Variants in KLHDC4 observed in about 807,000 individuals in gnomAD.
KLHDC4 encodes the protein kelch domain-containing protein 4.
In KLHDC4, 90 loss-of-function variants were observed where a neutral mutation model predicts 62.4. That is an observed-to-expected ratio of 1.44 (90% CI 1.22 to 1.72). The LOEUF (loss-of-function observed/expected upper bound fraction) is 1.72. Among genes scored for constraint, KLHDC4 ranks in the 40% most tolerant of loss-of-function variants. The pLI, the probability that KLHDC4 is intolerant of heterozygous loss-of-function variation, is 0.00. For synonymous variants in KLHDC4, 386 were observed against 284.4 expected, an observed-to-expected ratio of 1.36 and a Z score of -3.59; for missense variants, 1,025 against 699.7, an observed-to-expected ratio of 1.47 and a Z score of -5.25.
At chr16:87,746,931 C>G in intron 5 of KLHDC4, among the ~76,000 whole-genome samples, 1 of 152,190 alleles carries the variant, frequency 6.6e-6, no homozygotes, top group Non-Finnish European at 1.5e-5. Flanking sequence ...GCAGCTGCCA[C>G]GGATGTCCCG....
chr16:87,751,189 G>T (rs2043870696), intron 4 of KLHDC4, among the ~76,000 whole-genome samples: 1 of 152,198 alleles, frequency 6.6e-6, no homozygotes, highest in Non-Finnish European at 1.5e-5. Flanking sequence ...ATAGAAATAT[G>T]AACTGGCTGG....
At chr16:87,760,172 T>C (rs925207441) in intron 2 of KLHDC4, among the ~76,000 whole-genome samples, 1 of 150,872 alleles carries the variant, frequency 6.6e-6, no homozygotes, top group Non-Finnish European at 1.5e-5. Context: ...CCTTAAATTA[T>C]ATCCTGACAT....
At chr16:87,714,336 T>TTGC in intron 8 of KLHDC4, 162 bp downstream of exon 8, 2 of 140,732 alleles carry the variant, frequency 1.4e-5, no homozygotes, top group Non-Finnish European at 3.1e-5. Context: ...ATGGAGCCTG[T>TTGC]CCCACCCGGC....
Position 87,709,660 on chromosome 16 carries a change from T to G in KLHDC4, c.1052A>C (p.Lys351Thr). The G allele has an allele frequency of 8.1e-6, 13 of 1,597,590 alleles. 1 individual carries two copies. The highest frequency in any genetic ancestry group is 4.5e-5 in the South Asian group (4 of 89,064). Reference protein sequence around the residue: ...RWFEGQLKGPKSEKKKRRRGR... With the variant: ...RWFEGQLKGPTSEKKKRRRGR... ...CCGCCTGCGTTTCTTCTTTTCAGACTTGGGTCCCTATTAATAGACCGAGGA... is the reference window on the plus strand; with the variant it reads ...CCGCCTGCGTTTCTTCTTTTCAGACGTGGGTCCCTATTAATAGACCGAGGA... The change falls in exon 10 of 12, where the codon AAG becomes ACG. Residue 351 changes from lysine to threonine, a missense_variant. Physicochemically the swap from Lys to Thr is moderately conservative, Grantham distance 78 (BLOSUM62 -1). Transcript: ENST00000270583.
exon 1 of KLHDC4, chr16:87,700,693 AGGGAGGAGGTTGGAGGGCG>A (rs2034101295): frequency 1.1e-5 from 2 of 186,492 alleles, no homozygotes; most frequent in Admixed American, 9.2e-5. Context: ...TGGAGGGCGG[AGGGAGGAGGTTGGAGGGCG>A]GAGGGAGGAG....
At chr16:87,714,081 C>T (rs905612270) in intron 8 of KLHDC4, among the ~76,000 whole-genome samples, 1 of 152,108 alleles carries the variant, frequency 6.6e-6, no homozygotes, top group Non-Finnish European at 1.5e-5. Flanking sequence ...CGCAACCACC[C>T]CAAGAGCGAG....
At chr16:87,717,676 T>A (rs2037272949) in intron 7 of KLHDC4, among the ~76,000 whole-genome samples, 1 of 150,538 alleles carries the variant, frequency 6.6e-6, no homozygotes, top group Non-Finnish European at 1.5e-5. Context: ...ATGCCTGCTT[T>A]TCCAAACCTA....
intron 7 of KLHDC4, among the ~76,000 whole-genome samples, chr16:87,717,986 T>C (rs1044801542): frequency 1.3e-5 from 2 of 152,194 alleles, no homozygotes; most frequent in Admixed American, 6.5e-5. Context: ...TCACAAGGCC[T>C]GATCTGCTCA....
At chr16:87,716,701 G>A (rs1261029886) in intron 7 of KLHDC4, among the ~76,000 whole-genome samples, 2 of 152,112 alleles carry the variant, frequency 1.3e-5, no homozygotes, top group African/African-American at 2.4e-5. Flanking sequence ...GAGGCCGAGG[G>A]GGGTAGACCA....
exon 1 of KLHDC4, chr16:87,702,541 C>T (rs2034194544): frequency 2.8e-6 from 1 of 354,616 alleles, no homozygotes; most frequent in South Asian, 2.1e-5. Flanking sequence ...GGGGCAGGCG[C>T]CCCCTCCTGG....
intron 1 of KLHDC4, among the ~76,000 whole-genome samples, chr16:87,762,353 C>T (rs370047191): frequency 2.4e-4 from 36 of 152,310 alleles, no homozygotes; most frequent in African/African-American, 7.7e-4. Flanking sequence ...CTCAGCACCT[C>T]TCATAACCCA....
intron 4 of KLHDC4, among the ~76,000 whole-genome samples, chr16:87,751,679 G>T (rs2043967948): frequency 1.3e-5 from 2 of 152,080 alleles, no homozygotes; most frequent in Admixed American, 1.3e-4. Context: ...AACACTGTGG[G>T]AGGCTCATGT....
At chr16:87,739,900 A>G (rs768122879) in intron 5 of KLHDC4, 1 of 152,264 alleles carries the variant, frequency 6.6e-6, no homozygotes, top group Non-Finnish European at 1.5e-5. Flanking sequence ...ACTTTAGATC[A>G]TGGTGTTGGC....
intron 5 of KLHDC4, among the ~76,000 whole-genome samples, 194 bp downstream of exon 5, chr16:87,748,479 C>T (rs781492267): frequency 6.6e-6 from 1 of 152,194 alleles, no homozygotes; most frequent in Non-Finnish European, 1.5e-5. Flanking sequence ...GCACCCCCCA[C>T]ACCCGGCCCA....
chr16:87,751,058 A>T (rs561438106), intron 4 of KLHDC4: 1 of 152,370 alleles, frequency 6.6e-6, no homozygotes, highest in Non-Finnish European at 1.5e-5. Flanking sequence ...TAGAGTTTTA[A>T]ACTATCATCT....
Position 87,756,397 on chromosome 16 carries a change from A to G in KLHDC4, c.270+2T>C, listed in dbSNP as rs751270303. On this transcript the variant is annotated splice_donor_variant, in intron 3 of 11. Transcript: ENST00000270583. LOFTEE classifies it high-confidence loss of function. ...AAGAAAAGAAAAAAATATATACTTT[A>G]CTTTTTGGCCGTTGAAATATTCACC... 5 of 1,603,064 alleles carry G rather than the reference A, an allele frequency of 3.1e-6. No homozygotes were observed. In the Admixed American group the frequency reaches 5.0e-5, roughly 16 times the overall value.
exon 1 of KLHDC4, chr16:87,702,534 G>A (rs1597323579): frequency 2.8e-6 from 1 of 354,858 alleles, no homozygotes; most frequent in Non-Finnish European, 5.6e-6. Context: ...CTCCTCGGGG[G>A]CAGGCGCCCC....
chr16:87,761,941 T>G lies in KLHDC4; in HGVS notation c.191+8A>C, dbSNP rs1567843302. 4 of 1,612,356 alleles carry G rather than the reference T, an allele frequency of 2.5e-6. No homozygotes were observed. In the Admixed American group the frequency reaches 5.0e-5, roughly 20 times the overall value. On this transcript the variant is annotated splice_region_variant and intron_variant, in intron 2 of 11. Coordinates refer to ENST00000270583, the MANE Select transcript of KLHDC4 (RefSeq NM_017566.4). ...AAACATACAATATGAAAAATGCTAC[T>G]TGCTCACCTTGGTGAGGGTGGGGGG...
At chr16:87,736,496 T>G (rs941010085) in intron 5 of KLHDC4, among the ~76,000 whole-genome samples, 3 of 152,086 alleles carry the variant, frequency 2.0e-5, no homozygotes, top group Admixed American at 2.0e-4. Flanking sequence ...TCAAAAGCAG[T>G]TACAGCACAG....
Sources: allele counts gnomAD v4.1 joint callset (sites outside exome capture counted in the v4.1 genomes callset), GRCh38; gene constraint gnomAD v4.1.1; transcripts MANE v1.5; gene names NCBI Gene and HGNC (gene_info 2026-07-23, HGNC 2026-07-21).